ASCC3: variants seen among roughly 807,000 people sequenced by gnomAD.
ASCC3 encodes the protein ASC-1 complex subunit P200.
ASCC3 carries 158 observed loss-of-function variants against 256.3 expected under a neutral mutation model. The observed-to-expected ratio is 0.62, with a 90% CI of 0.54 to 0.70. The LOEUF is 0.70. Ranked by LOEUF, ASCC3 falls within the 30% of genes least tolerant of loss-of-function variation. The probability of loss-of-function intolerance (pLI) is 0.00; values close to 1 mark genes in which losing one functional copy is unlikely to be tolerated. For missense variants in ASCC3, 2,259 were observed against 2,626.0 expected, an observed-to-expected ratio of 0.86 and a Z score of 3.05; for synonymous variants, 948 against 883.4, an observed-to-expected ratio of 1.07 and a Z score of -1.30.
intron 2 of ASCC3, among the ~76,000 whole-genome samples, chr6:100,865,361 T>C (rs965516461): frequency 6.6e-6 from 1 of 152,222 alleles, no homozygotes; most frequent in African/African-American, 2.4e-5. Context: ...CTTGTAGTAC[T>C]TACACACTTT....
chr6:100,638,496 G>C (rs3818233), intron 25 of ASCC3, 105 bp downstream of exon 25: 407,140 of 977,088 alleles, frequency 0.42, 89,221 homozygotes, highest in Non-Finnish European at 0.46. Flanking sequence ...CACTGAGAGT[G>C]ACAAATCTAT....
At chr6:100,857,662 G>A (rs574253880) in intron 3 of ASCC3, 20 of 151,850 alleles carry the variant, frequency 1.3e-4, no homozygotes, top group Middle Eastern at 3.4e-3. Context: ...ATTTCTATCC[G>A]TAGGTTTGTT....
chr6:100,769,632 G>C (rs1488312516), intron 8 of ASCC3, among the ~76,000 whole-genome samples: 1 of 151,446 alleles, frequency 6.6e-6, no homozygotes, highest in African/African-American at 2.4e-5. Flanking sequence ...TAATTATAAA[G>C]ATCAATGAAA....
At chr6:100,586,775 A>G (rs1181718172) in intron 36 of ASCC3, among the ~76,000 whole-genome samples, 1 of 152,188 alleles carries the variant, frequency 6.6e-6, no homozygotes, top group African/African-American at 2.4e-5. Context: ...CCTAATTTCT[A>G]TACGTTATTA....
chr6:100,736,899 G>A (rs184019821), intron 10 of ASCC3, among the ~76,000 whole-genome samples: 69 of 152,174 alleles, frequency 4.5e-4, no homozygotes, highest in Non-Finnish European at 8.4e-4. Flanking sequence ...TGTAATCCTA[G>A]GACTTTGGGA....
intron 8 of ASCC3, among the ~76,000 whole-genome samples, chr6:100,794,299 T>C (rs1011907867): frequency 2.0e-5 from 3 of 152,086 alleles, no homozygotes; most frequent in Non-Finnish European, 2.9e-5. Context: ...AATTGTCTTT[T>C]TCCAGTCTCA....
At chr6:100,730,737 C>G (rs1779860552) in intron 10 of ASCC3, among the ~76,000 whole-genome samples, 2 of 152,076 alleles carry the variant, frequency 1.3e-5, no homozygotes, top group South Asian at 4.2e-4. Flanking sequence ...GGCAACAGTC[C>G]CCATAATGGA....
intron 16 of ASCC3, among the ~76,000 whole-genome samples, chr6:100,658,100 G>A (rs1227595345): frequency 1.3e-5 from 2 of 151,472 alleles, no homozygotes; most frequent in Non-Finnish European, 3.0e-5. Flanking sequence ...AGAGTCACAT[G>A]GAGGTGAGAC....
At chr6:100,641,492 T>C (rs913650101) in intron 24 of ASCC3, among the ~76,000 whole-genome samples, 1 of 152,220 alleles carries the variant, frequency 6.6e-6, no homozygotes, top group Non-Finnish European at 1.5e-5. Flanking sequence ...TGCATAAATG[T>C]CTTCTTTTGA....
chr6:100,835,725 G>A (rs1180616301), intron 4 of ASCC3, among the ~76,000 whole-genome samples: 1 of 151,982 alleles, frequency 6.6e-6, no homozygotes, highest in African/African-American at 2.4e-5. Flanking sequence ...GATTACTTTG[G>A]CTATCCAGGG....
chr6:100,566,526 A>G (rs1341085799), intron 36 of ASCC3, among the ~76,000 whole-genome samples: 1 of 152,206 alleles, frequency 6.6e-6, no homozygotes, highest in East Asian at 1.9e-4. Context: ...TAAAGTCAAC[A>G]GAAGGGTATT....
intron 8 of ASCC3, among the ~76,000 whole-genome samples, chr6:100,784,429 A>G (rs1782597274): frequency 6.6e-6 from 1 of 152,162 alleles, no homozygotes; most frequent in South Asian, 2.1e-4. Context: ...TGTCAGATAG[A>G]TAAATAAGCA....
chr6:100,674,269 A>G (rs1057313254), intron 14 of ASCC3, among the ~76,000 whole-genome samples: 6 of 152,026 alleles, frequency 3.9e-5, no homozygotes, highest in Non-Finnish European at 8.8e-5. Flanking sequence ...TATATATTAC[A>G]TAATTTTTTA....
chr6:100,589,680 C>T lies in ASCC3; in HGVS notation c.5504G>A (p.Arg1835His), dbSNP rs375679348. The T allele has an allele frequency of 2.2e-5, 35 of 1,613,478 alleles. No individual in the cohort carries two copies. The highest frequency in any genetic ancestry group is 1.3e-4 in the East Asian group (6 of 44,850). ...KHQTVKMFKDRLKPECSTEEL... is the reference protein window; with the variant it reads ...KHQTVKMFKDHLKPECSTEEL... Reference sequence around the variant, plus strand: ...TTCAGTACTGCATTCAGGCTTCAAGCGGTCCTTGAACATTTTAACTGTTTG... The same window carrying T: ...TTCAGTACTGCATTCAGGCTTCAAGTGGTCCTTGAACATTTTAACTGTTTG... The change falls in exon 36 of 42, where the codon CGC (arginine) becomes CAC (histidine). Residue 1835 changes from arginine (R) to histidine (H), a missense_variant. Around this residue, in one of 2 missense-constraint regions of ASCC3, gnomAD observed 1,839 missense variants for 2,206.7 expected, o/e 0.83. Coordinates refer to ENST00000369162, the MANE Select transcript of ASCC3 (RefSeq NM_006828.4).
At chr6:100,754,987 T>C (rs1781108417) in intron 10 of ASCC3, among the ~76,000 whole-genome samples, 1 of 152,154 alleles carries the variant, frequency 6.6e-6, no homozygotes, top group Non-Finnish European at 1.5e-5. Context: ...CATGTGAAAC[T>C]GTCAGTCCCT....
intron 8 of ASCC3, among the ~76,000 whole-genome samples, chr6:100,789,788 T>C (rs1471819542): frequency 6.6e-6 from 1 of 151,918 alleles, no homozygotes; most frequent in African/African-American, 2.4e-5. Context: ...TAACAAAACA[T>C]GATATTGTAC....
intron 3 of ASCC3, among the ~76,000 whole-genome samples, chr6:100,854,873 G>T (rs1202619457): frequency 6.6e-6 from 1 of 152,006 alleles, no homozygotes; most frequent in African/African-American, 2.4e-5. Flanking sequence ...ATTTTAGATT[G>T]TTTTAACATC....
In ASCC3 at chr6:100,867,896, T is replaced by C. The variant is rs1417465687; in HGVS notation, c.90+12A>G. On this transcript the variant is annotated intron_variant, in intron 2 of 41. Transcript: ENST00000369162. ...TAATAATGTTCAACATTTCTACCTT[T>C]AACAAATCTACCTTTAAGTCAGCCA... 6.3e-7 allele frequency: 1 copy of C among 1,592,046 alleles called. No individual in the cohort carries two copies. The highest frequency in any genetic ancestry group is 8.6e-7 in the Non-Finnish European group (1 of 1,160,412).
chr6:100,581,182 C>G (rs987467117), intron 36 of ASCC3, among the ~76,000 whole-genome samples: 27 of 152,114 alleles, frequency 1.8e-4, no homozygotes, highest in East Asian at 5.8e-4. Context: ...GGTTGAACTA[C>G]TTTACAGTCC....
Sources: allele counts gnomAD v4.1 joint callset (sites outside exome capture counted in the v4.1 genomes callset), GRCh38; gene constraint gnomAD v4.1.1; regional missense constraint gnomAD v4.1.1; transcripts MANE v1.5; gene names NCBI Gene and HGNC (gene_info 2026-07-23, HGNC 2026-07-21).